Variants in CDH3 observed in about 807,000 individuals in gnomAD.
CDH3 encodes cadherin-3.
In CDH3, 54 loss-of-function variants were observed where a neutral mutation model predicts 82.0. The ratio of observed to expected loss-of-function variants is 0.66; its 90% confidence interval spans 0.53 to 0.83. The LOEUF is 0.83. CDH3 is among the 40% of genes least tolerant of loss of function. CDH3 has a pLI of 0.00. For synonymous variants in CDH3, 446 were observed against 437.9 expected (o/e 1.02, Z -0.23); for missense variants, 1,054 against 1,084.6 (o/e 0.97, Z 0.40).
At chr16:68,668,364 G>C (rs1960793876) in intron 2 of CDH3, among the ~76,000 whole-genome samples, 1 of 152,170 alleles carries the variant, frequency 6.6e-6, no homozygotes, top group Non-Finnish European at 1.5e-5. Context: ...ACTATTAAAA[G>C]ATGGGGTAAA....
At chr16:68,720,773 C>A (rs1962153019) in intron 1 of CDH3, among the ~76,000 whole-genome samples, 2 of 151,954 alleles carry the variant, frequency 1.3e-5, no homozygotes, top group African/African-American at 4.8e-5. Context: ...AGGAGCCTGC[C>A]ACCACGCCGA....
At chr16:68,672,268 G>GTCATA (rs1960906700) in intron 2 of CDH3, among the ~76,000 whole-genome samples, 2 of 150,954 alleles carry the variant, frequency 1.3e-5, no homozygotes, top group African/African-American at 4.9e-5. Flanking sequence ...ATTGGGAAAG[G>GTCATA]TCATTTCAGT....
At chr16:68,712,961 C>T (rs34165016) in intron 1 of CDH3, among the ~76,000 whole-genome samples, 84,456 of 151,804 alleles carry the variant, frequency 0.56, 23,831 homozygotes, top group Middle Eastern at 0.62. Context: ...GGATTAAAGG[C>T]ATGAGCTACC....
chr16:68,650,635 G>A (rs1960212323), intron 2 of CDH3, among the ~76,000 whole-genome samples: 1 of 152,250 alleles, frequency 6.6e-6, no homozygotes, highest in South Asian at 2.1e-4. Flanking sequence ...AAACTTCTGT[G>A]GGTACAGAAA....
downstream of CDH3, among the ~76,000 whole-genome samples, chr16:68,728,942 T>C (rs973496908): frequency 4.6e-5 from 7 of 152,246 alleles, no homozygotes; most frequent in East Asian, 7.7e-4. Context: ...TATATCTCAG[T>C]AGTAGTTCAT....
Position 68,698,468 on chromosome 16 carries a change from C to T in CDH3, c.*68C>T. ...AGCATCTCCAAGGGGTCTCAGTTCC[C>T]CCTTCAGCTGAGGACTTCGGAGCTT... is the stretch of plus-strand genomic sequence containing the variant. On this transcript the variant is annotated 3_prime_UTR_variant, in exon 16 of 16. Transcript: ENST00000264012. 6.9e-7 allele frequency: 1 copy of T among 1,440,828 alleles called. No individual in the cohort carries two copies. The highest frequency in any genetic ancestry group is 9.7e-7 in the Non-Finnish European group (1 of 1,026,424). 89.3% of individuals were successfully genotyped at this position (1,440,828 alleles called of 1,614,324 possible). A position where few individuals can be genotyped will look rare whatever the true frequency, so the allele number is the denominator to read the frequency against.
chr16:68,714,782 G>A (rs770317375), intron 1 of CDH3, among the ~76,000 whole-genome samples: 5 of 152,154 alleles, frequency 3.3e-5, no homozygotes, highest in East Asian at 3.9e-4. Context: ...TTTGGGAAGC[G>A]GAGGCAGGAG....
chr16:68,652,993 T>C (rs961685469), intron 2 of CDH3, among the ~76,000 whole-genome samples: 5 of 152,148 alleles, frequency 3.3e-5, no homozygotes. Context: ...TGTGCACCCC[T>C]ATTTGTTAGT....
chr16:68,688,193 C>G (rs3114404), intron 12 of CDH3, among the ~76,000 whole-genome samples: 7 of 151,284 alleles, frequency 4.6e-5, no homozygotes, highest in African/African-American at 1.7e-4. Flanking sequence ...TTCCAAAGAC[C>G]TCCACCAGGT....
At chr16:68,670,536 A>C (rs1374752886) in intron 2 of CDH3, among the ~76,000 whole-genome samples, 4 of 152,156 alleles carry the variant, frequency 2.6e-5, no homozygotes, top group Non-Finnish European at 4.4e-5. Context: ...GGATCCCTGT[A>C]ACCTCGACCT....
At chr16:68,653,259 G>C (rs1960302521) in intron 2 of CDH3, among the ~76,000 whole-genome samples, 1 of 149,598 alleles carries the variant, frequency 6.7e-6, no homozygotes, top group Non-Finnish European at 1.5e-5. Flanking sequence ...TTATTTTTGA[G>C]ACAGAGTTTT....
At chr16:68,658,585 C>T (rs1039533010) in intron 2 of CDH3, among the ~76,000 whole-genome samples, 1 of 151,404 alleles carries the variant, frequency 6.6e-6, no homozygotes, top group African/African-American at 2.5e-5. Flanking sequence ...GCACAGCGTG[C>T]CCCATCTTGT....
At chr16:68,681,803 A>C (rs571856260) in intron 8 of CDH3, among the ~76,000 whole-genome samples, 1 of 152,284 alleles carries the variant, frequency 6.6e-6, no homozygotes, top group East Asian at 1.9e-4. Context: ...ACACCACTGC[A>C]CTCCAGCCTG....
chr16:68,713,919 T>TTTA (rs146101205), intron 1 of CDH3, among the ~76,000 whole-genome samples: 4,238 of 147,560 alleles, frequency 0.029, 75 homozygotes, highest in African/African-American at 0.049. Flanking sequence ...TTTTATTCTA[T>TTTA]TTATTATTAT....
the CDH3 span, among the ~76,000 whole-genome samples, chr16:68,733,425 G>C: frequency 6.6e-6 from 1 of 152,108 alleles, no homozygotes; most frequent in African/African-American, 2.4e-5. Context: ...CACCAGGCCT[G>C]CTTAGGTATC....
At position 68,646,154 on chromosome 16, in the gene CDH3, C is replaced by A. The variant is rs529398794; in HGVS notation, c.160+404C>A. The A allele has an allele frequency of 1.2e-4, 30 of 246,620 alleles. 1 individual carries two copies. In the South Asian group the frequency reaches 1.5e-3, roughly 13 times the overall value. The allele number at this position is 246,620 out of a possible 1,614,324, so 15.3% of individuals were successfully genotyped here. On this transcript the variant is annotated intron_variant, in intron 2 of 15. Coordinates refer to ENST00000264012, the MANE Select transcript of CDH3 (RefSeq NM_001793.6). ...GGCAGCCCCCTTCGCCCCTCTCGGG[C>A]CCCCTTTGTGAACCGTGCTTTGTGT... is the stretch of plus-strand genomic sequence containing the variant.
intron 2 of CDH3, among the ~76,000 whole-genome samples, chr16:68,675,477 T>C (rs948913651): frequency 3.9e-5 from 6 of 152,146 alleles, no homozygotes; most frequent in African/African-American, 1.4e-4. Context: ...CGGGTAGACC[T>C]GGCTTCTGAA....
chr16:68,715,146 C>T (rs1339979658), intron 1 of CDH3, among the ~76,000 whole-genome samples: 1 of 142,062 alleles, frequency 7.0e-6, no homozygotes, highest in Non-Finnish European at 1.6e-5. Flanking sequence ...GAATTTGAGG[C>T]CGGGCGCCAT....
intron 2 of CDH3, among the ~76,000 whole-genome samples, chr16:68,667,787 A>G (rs1383391861): frequency 6.6e-6 from 1 of 152,170 alleles, no homozygotes; most frequent in African/African-American, 2.4e-5. Flanking sequence ...GCTTGGCAGG[A>G]TGATCTTTAG....
Sources: gnomAD v4.1 joint callset for allele counts (sites outside exome capture counted in the v4.1 genomes callset) on GRCh38, gnomAD v4.1.1 for gene constraint, MANE v1.5 for transcripts, NCBI Gene and HGNC (gene_info 2026-07-23, HGNC 2026-07-21) for gene names.